The following FGF13 variants were observed in gnomAD, a reference collection of about 807,000 sequenced individuals.
FGF13 encodes fibroblast growth factor homologous factor 2.
FGF13 carries 2 observed loss-of-function variants against 19.5 expected under a neutral mutation model. The observed-to-expected ratio is 0.10, with a 90% CI of 0.04 to 0.32. The LOEUF is 0.32. Among genes scored for constraint, FGF13 ranks in the 10% least tolerant of loss-of-function variants. FGF13 has a pLI of 1.00. For synonymous variants in FGF13, 72 were observed against 76.9 expected (o/e 0.94, Z 0.33); for missense variants, 113 against 192.7 (o/e 0.59, Z 2.45).
intron 1 of FGF13, among the ~76,000 whole-genome samples, chrX:139,009,321 TA>T (rs770772326): frequency 3.9e-4 from 43 of 111,118 alleles, no homozygotes; most frequent in Non-Finnish European, 7.0e-4. Flanking sequence ...AAATTCATCA[TA>T]AAAAGATCAT....
chrX:139,146,886 G>A (rs780338242), intron 1 of FGF13, among the ~76,000 whole-genome samples: 6 of 107,747 alleles, frequency 5.6e-5, no homozygotes, highest in Admixed American at 2.0e-4. Flanking sequence ...ACTAAACACC[G>A]CATGTTCTCA....
At chrX:138,924,583 C>T (rs2091662452) in intron 1 of FGF13, among the ~76,000 whole-genome samples, 3 of 111,606 alleles carry the variant, frequency 2.7e-5, no homozygotes, top group Admixed American at 9.5e-5. Flanking sequence ...GCCTTTAGGA[C>T]GTCTTGGTCA....
intron 1 of FGF13, among the ~76,000 whole-genome samples, chrX:139,198,531 AT>A (rs1175468664): frequency 1.8e-5 from 2 of 111,977 alleles, no homozygotes; most frequent in African/African-American, 6.5e-5. Flanking sequence ...TACTATTTCT[AT>A]TTGAAAATCA....
intron 3 of FGF13, among the ~76,000 whole-genome samples, chrX:138,800,690 C>T (rs1003828956): frequency 1.8e-5 from 2 of 111,929 alleles, no homozygotes; most frequent in African/African-American, 6.5e-5. Flanking sequence ...ATTCCATTCT[C>T]CCCGTCACTT....
chrX:138,896,968 C>T (rs375547787), intron 1 of FGF13, among the ~76,000 whole-genome samples: 2 of 111,758 alleles, frequency 1.8e-5, no homozygotes, highest in South Asian at 3.8e-4. Flanking sequence ...GGTGGGAACA[C>T]GGGACGTGTA....
rs951396774 is a variant in FGF13, at chrX:138,972,649, G to A, written c.-112-107999C>T. Among the ~76,000 whole-genome samples, 32 of 111,159 alleles carry A rather than the reference G, an allele frequency of 2.9e-4. 1 individual carries two copies. The highest frequency in any genetic ancestry group is 5.3e-4 in the Non-Finnish European group (28 of 53,058). On this transcript the variant is annotated intron_variant, in intron 1 of 2. Coordinates refer to the FGF13 transcript ENST00000421460. ...TGGGATTACAGGTGTGAGCCACCGT[G>A]CCGGGCCCTCACCATCATTTTTTAT...
intron 1 of FGF13, among the ~76,000 whole-genome samples, chrX:138,724,495 A>G (rs772120143): frequency 7.1e-4 from 79 of 111,942 alleles, no homozygotes; most frequent in Non-Finnish European, 1.4e-3. Flanking sequence ...TCTCAGTACT[A>G]TGTTAAAAAG....
chrX:138,788,477 C>T (rs1014758288), intron 3 of FGF13, among the ~76,000 whole-genome samples: 1 of 112,297 alleles, frequency 8.9e-6, no homozygotes, highest in Non-Finnish European at 1.9e-5. Context: ...GTATCCCATA[C>T]GTCATGGCTA....
At chrX:138,838,059 A>C (rs562522378) in intron 3 of FGF13, among the ~76,000 whole-genome samples, 6 of 112,293 alleles carry the variant, frequency 5.3e-5, no homozygotes, top group African/African-American at 1.9e-4. Flanking sequence ...CAAAGCTTAC[A>C]GTCTGGATCA....
At chrX:139,039,772 T>C (rs946210984) in intron 1 of FGF13, among the ~76,000 whole-genome samples, 2 of 111,117 alleles carry the variant, frequency 1.8e-5, no homozygotes, top group Admixed American at 9.6e-5. Flanking sequence ...AACTGTCACA[T>C]AGCAGGCATT....
intron 1 of FGF13, among the ~76,000 whole-genome samples, chrX:139,102,847 G>T (rs1419624479): frequency 8.9e-6 from 1 of 112,514 alleles, no homozygotes; most frequent in Non-Finnish European, 1.9e-5. Flanking sequence ...GGACAAGCAG[G>T]GTTTAGAAGG....
chrX:138,849,743 A>G (rs2091209961), intron 3 of FGF13, among the ~76,000 whole-genome samples: 1 of 111,897 alleles, frequency 8.9e-6, no homozygotes, highest in Non-Finnish European at 1.9e-5. Flanking sequence ...ACATCATCCC[A>G]AGAGCATGTT....
chrX:138,740,889 T>C (rs560508007), upstream of FGF13, among the ~76,000 whole-genome samples: 68 of 112,670 alleles, frequency 6.0e-4, no homozygotes, highest in South Asian at 0.01. Context: ...GCCAGTCCTG[T>C]TTCCCAGAAA....
downstream of FGF13, among the ~76,000 whole-genome samples, chrX:138,855,075 C>G (rs1392937020): frequency 9.0e-6 from 1 of 111,413 alleles, no homozygotes; most frequent in African/African-American, 3.3e-5. Context: ...TAAGAGGGAA[C>G]CGAACACTAT....
chrX:138,677,911 A>C (rs1194147708), intron 3 of FGF13, among the ~76,000 whole-genome samples: 1 of 111,993 alleles, frequency 8.9e-6, no homozygotes, highest in African/African-American at 3.2e-5. Context: ...TCACAATAGC[A>C]AAGACTTGGA....
At chrX:139,089,453 G>A (rs1258303276) in intron 1 of FGF13, among the ~76,000 whole-genome samples, 1 of 111,959 alleles carries the variant, frequency 8.9e-6, no homozygotes, top group Non-Finnish European at 1.9e-5. Flanking sequence ...TCTTATGAAG[G>A]GGTGAAAACT....
intron 3 of FGF13, among the ~76,000 whole-genome samples, chrX:138,654,873 A>G (rs1213137096): frequency 9.0e-6 from 1 of 111,247 alleles, no homozygotes; most frequent in East Asian, 2.8e-4. Context: ...TCATCCTTAG[A>G]GCATAGGTTA....
chrX:139,203,960 C>G, upstream of FGF13: 3 of 927,310 alleles, frequency 3.2e-6, no homozygotes, highest in Admixed American at 6.7e-5. Context: ...AGCTTAGGCT[C>G]CGGGAAGGAG....
At chrX:139,003,498 C>T (rs1289175558) in intron 1 of FGF13, among the ~76,000 whole-genome samples, 1 of 111,810 alleles carries the variant, frequency 8.9e-6, no homozygotes, top group African/African-American at 3.3e-5. Context: ...TCTTATCTGG[C>T]CCCACCCACA....
Sources: allele counts gnomAD v4.1 joint callset (sites outside exome capture counted in the v4.1 genomes callset), GRCh38; gene constraint gnomAD v4.1.1; transcripts MANE v1.5; gene names NCBI Gene and HGNC (gene_info 2026-07-23, HGNC 2026-07-21).